The following OTUD7A variants were observed in gnomAD, a reference collection of about 807,000 sequenced individuals.
The protein encoded by OTUD7A is OTU domain-containing protein 7A.
Under a neutral mutation model 65.7 loss-of-function variants are expected in OTUD7A, and 12 were observed. The ratio of observed to expected loss-of-function variants is 0.18; its 90% CI spans 0.12 to 0.30. OTUD7A has a LOEUF of 0.30. OTUD7A is among the 10% of genes least tolerant of loss of function. OTUD7A has a pLI of 1.00. For synonymous variants in OTUD7A, 641 were observed against 586.3 expected (o/e 1.09, Z -1.35); for missense variants, 1,148 against 1,304.8 (o/e 0.88, Z 1.85).
At chr15:31,589,194 A>G (rs1347417380) in intron 3 of OTUD7A, among the ~76,000 whole-genome samples, 1 of 152,190 alleles carries the variant, frequency 6.6e-6, no homozygotes, top group East Asian at 1.9e-4. Context: ...ACGTGTGTAT[A>G]TGGATATGTG....
intron 3 of OTUD7A, among the ~76,000 whole-genome samples, chr15:31,602,822 T>C (rs1165140005): frequency 6.6e-6 from 1 of 151,296 alleles, no homozygotes; most frequent in African/African-American, 2.4e-5. Flanking sequence ...AGCCAAATCA[T>C]GAGTGAACTC....
chr15:31,773,004 C>T (rs1030310767), intron 1 of OTUD7A, among the ~76,000 whole-genome samples: 10 of 152,036 alleles, frequency 6.6e-5, no homozygotes, highest in Non-Finnish European at 1.5e-4. Flanking sequence ...ACTGGTTACT[C>T]GATACTACCT....
chr15:31,494,437 A>T (rs1295572472), intron 10 of OTUD7A, among the ~76,000 whole-genome samples: 25 of 152,214 alleles, frequency 1.6e-4, no homozygotes, highest in Non-Finnish European at 2.9e-5. Context: ...AGCTTCCAGA[A>T]CTATCAGAAA....
intron 1 of OTUD7A, among the ~76,000 whole-genome samples, chr15:31,701,374 A>C (rs1893209573): frequency 6.6e-6 from 1 of 151,268 alleles, no homozygotes; most frequent in Non-Finnish European, 1.5e-5. Context: ...TTTTTTCCTA[A>C]CTTAAAAAAT....
chr15:31,577,881 T>C (rs1210683250), intron 3 of OTUD7A, among the ~76,000 whole-genome samples: 1 of 149,846 alleles, frequency 6.7e-6, no homozygotes. Context: ...TCGGACAAGC[T>C]GATTTTAAAT....
At chr15:31,641,485 C>A (rs1268309157) in intron 3 of OTUD7A, among the ~76,000 whole-genome samples, 1 of 152,084 alleles carries the variant, frequency 6.6e-6, no homozygotes, top group African/African-American at 2.4e-5. Context: ...AAAAAGCTGG[C>A]TTGGATTGTT....
chr15:31,848,867 G>A (rs1897352473), intron 1 of OTUD7A, among the ~76,000 whole-genome samples: 1 of 152,200 alleles, frequency 6.6e-6, no homozygotes, highest in African/African-American at 2.4e-5. Flanking sequence ...AAATGCACCA[G>A]TTGCTGCCCT....
intron 3 of OTUD7A, among the ~76,000 whole-genome samples, chr15:31,571,194 T>A (rs950018374): frequency 6.6e-6 from 1 of 152,120 alleles, no homozygotes; most frequent in Admixed American, 6.5e-5. Flanking sequence ...ACAACTATTA[T>A]GTATCCATAA....
At chr15:31,619,174 G>A (rs1052484146) in intron 3 of OTUD7A, among the ~76,000 whole-genome samples, 2 of 152,164 alleles carry the variant, frequency 1.3e-5, no homozygotes, top group African/African-American at 4.8e-5. Flanking sequence ...TTTGGTTACT[G>A]CAACCTTGTA....
At chr15:31,838,116 A>T (rs1897099122) in intron 1 of OTUD7A, among the ~76,000 whole-genome samples, 1 of 152,244 alleles carries the variant, frequency 6.6e-6, no homozygotes, top group East Asian at 1.9e-4. Flanking sequence ...CTTATAAAAA[A>T]TAATCAAAAA....
rs1272240550 is a variant in OTUD7A at position 31,483,405 on chromosome 15, G to A, written c.2691C>T (p.Cys897=). The A allele has an allele frequency of 2.2e-6, 3 of 1,350,574 alleles. No individual in the cohort carries two copies. Among genetic ancestry groups the A allele is most frequent in the South Asian group, 3.1e-5 (2 of 64,112 alleles). The allele number at this position is 1,350,574 out of a possible 1,614,324, so 83.7% of individuals were successfully genotyped here. The change falls in exon 13 of 13, where the codon TGC becomes TGT. Residue 897 remains cysteine, a synonymous_variant. Coordinates refer to ENST00000307050, the MANE Select transcript of OTUD7A (RefSeq NM_001382637.1). ...CGTAGAACGCACAGTTCTCGCGCTGGCAGCGCCGCTGCACCGGCCCCGGGC... is the reference window on the plus strand; with the variant it reads ...CGTAGAACGCACAGTTCTCGCGCTGACAGCGCCGCTGCACCGGCCCCGGGC... ...RGGPGPVQRR[C]QRENCAFYGR...
chr15:31,622,106 G>A (rs1431386326), intron 3 of OTUD7A, among the ~76,000 whole-genome samples: 3 of 152,140 alleles, frequency 2.0e-5, no homozygotes, highest in African/African-American at 4.8e-5. Context: ...CTCTCTTCTG[G>A]CTTGTGGAGT....
At chr15:31,693,561 TG>T (rs1356736599) in intron 1 of OTUD7A, among the ~76,000 whole-genome samples, 1 of 151,932 alleles carries the variant, frequency 6.6e-6, no homozygotes, top group Admixed American at 6.6e-5. Flanking sequence ...GGATTGGATG[TG>T]GTGATGCCAG....
At chr15:31,791,863 C>A (rs1895824946) in intron 1 of OTUD7A, among the ~76,000 whole-genome samples, 1 of 152,116 alleles carries the variant, frequency 6.6e-6, no homozygotes, top group Non-Finnish European at 1.5e-5. Context: ...AGGGCTCAGC[C>A]TGGATTGCAT....
intron 1 of OTUD7A, among the ~76,000 whole-genome samples, chr15:31,711,130 C>T (rs962466194): frequency 3.1e-4 from 46 of 150,222 alleles, no homozygotes; most frequent in Non-Finnish European, 5.0e-4. Flanking sequence ...TGTTCAACAC[C>T]TTTGTGCTCA....
intron 1 of OTUD7A, chr15:31,766,408 G>A: frequency 1.3e-6 from 2 of 1,584,348 alleles, no homozygotes; most frequent in East Asian, 2.2e-5. Context: ...TCTAAATGAG[G>A]TTGCAGCAAA....
intron 1 of OTUD7A, among the ~76,000 whole-genome samples, chr15:31,751,287 T>A (rs948230936): frequency 4.0e-5 from 6 of 150,358 alleles, no homozygotes; most frequent in Admixed American, 1.3e-4. Context: ...AAAAGAGACA[T>A]ATGAGTGGCC....
At position 31,482,898 on chromosome 15, in the gene OTUD7A, G is replaced by A. The variant is rs933115628; in HGVS notation, c.*396C>T. The stretch of plus-strand genomic sequence containing the variant: ...AACCGCGCACAAGGGACCGCTACCT[G>A]GAAGAGGTCATCGCTAGGGTAGGAG... On this transcript the variant is annotated 3_prime_UTR_variant, in exon 13 of 13. Transcript: ENST00000307050. The A allele has an allele frequency of 6.6e-6, 1 of 151,294 alleles. No individual in the cohort carries two copies. The highest frequency in any genetic ancestry group is 2.4e-5 in the African/African-American group (1 of 41,092). 9.4% of individuals were successfully genotyped at this position (151,294 alleles called of 1,614,324 possible). A position where few individuals can be genotyped will look rare whatever the true frequency, so the allele number is the denominator to read the frequency against.
chr15:31,680,280 T>C (rs1402750766), intron 1 of OTUD7A, among the ~76,000 whole-genome samples: 1 of 152,164 alleles, frequency 6.6e-6, no homozygotes, highest in African/African-American at 2.4e-5. Context: ...ATTGTAACTG[T>C]ACAATTCTGC....
Sources: gnomAD v4.1 joint callset for allele counts (sites outside exome capture counted in the v4.1 genomes callset) on GRCh38, gnomAD v4.1.1 for gene constraint, MANE v1.5 for transcripts, NCBI Gene and HGNC (gene_info 2026-07-23, HGNC 2026-07-21) for gene names.